The following ASAP2 variants were observed in gnomAD, a reference collection of about 807,000 sequenced individuals.
ASAP2 encodes the protein ArfGAP with SH3 domain, ankyrin repeat and PH domain 2.
Under a neutral mutation model 131.4 loss-of-function variants are expected in ASAP2, and 45 were observed. The observed-to-expected ratio is 0.34, with a 90% CI of 0.27 to 0.44. The LOEUF (loss-of-function observed/expected upper bound fraction) is 0.44. ASAP2 is among the 20% of genes least tolerant of loss of function. The pLI is 1.00. For missense variants in ASAP2, 1,011 were observed against 1,297.0 expected, an observed-to-expected ratio of 0.78 and a Z score of 3.39; for synonymous variants, 510 against 503.0, an observed-to-expected ratio of 1.01 and a Z score of -0.19.
chr2:9,278,267 T>TTGG (rs1666882634), intron 1 of ASAP2, among the ~76,000 whole-genome samples: 1 of 151,994 alleles, frequency 6.6e-6, no homozygotes. Flanking sequence ...TTACCCAGCA[T>TTGG]GTTGGGAGGT....
At chr2:9,224,341 T>G (rs892443169) in intron 1 of ASAP2, among the ~76,000 whole-genome samples, 44 of 152,258 alleles carry the variant, frequency 2.9e-4, no homozygotes, top group African/African-American at 1.0e-3. Flanking sequence ...CCAGACTGAG[T>G]GTGCCTAGGG....
intron 1 of ASAP2, among the ~76,000 whole-genome samples, chr2:9,229,438 C>A (rs1191864627): frequency 6.6e-6 from 1 of 152,166 alleles, no homozygotes; most frequent in Non-Finnish European, 1.5e-5. Flanking sequence ...GTGCATCCAG[C>A]CTCTCACTGA....
intron 24 of ASAP2, among the ~76,000 whole-genome samples, chr2:9,397,614 C>T (rs1374360321): frequency 6.6e-6 from 1 of 150,908 alleles, no homozygotes; most frequent in South Asian, 2.1e-4. Flanking sequence ...TAGGAGTCAG[C>T]AAACTATGGC....
rs986373704 is a variant in ASAP2 at position 9,389,411 on chromosome 2, C to T, written c.2383+865C>T. ...CTGTGAGCCGCTGATGGAGTGGAGC[C>T]CACGTCCCCAAATACATCCCAAACT... On this transcript the variant is annotated intron_variant, in intron 22 of 27. Coordinates refer to ENST00000281419, the MANE Select transcript of ASAP2 (RefSeq NM_003887.3). This position sits in a 1 kb window ranked among gnomAD's most constrained non-coding sequence, Gnocchi z 4.7. Among the ~76,000 whole-genome samples the T allele has an allele frequency of 6.6e-6, 1 of 152,320 alleles. No homozygotes were observed. Among genetic ancestry groups the T allele is most frequent in the East Asian group, 1.9e-4 (1 of 5,186 alleles).
At chr2:9,255,336 C>T (rs1665083537) in intron 1 of ASAP2, among the ~76,000 whole-genome samples, 1 of 152,144 alleles carries the variant, frequency 6.6e-6, no homozygotes, top group Non-Finnish European at 1.5e-5. Context: ...ATTTAAGTAA[C>T]AATAATCTGA....
At chr2:9,370,025 A>G (rs1034067933) in intron 16 of ASAP2, among the ~76,000 whole-genome samples, 4 of 152,130 alleles carry the variant, frequency 2.6e-5, no homozygotes, top group Admixed American at 1.3e-4. Context: ...TCTTTAGTAG[A>G]GATGGGGTTT....
rs763281925 is a variant in ASAP2, at chr2:9,393,558, G to C, written c.2595G>C (p.Lys865Asn). 1.1e-5 allele frequency: 17 copies of C among 1,593,672 alleles called. No homozygotes were observed. Among genetic ancestry groups the C allele is most frequent in the Non-Finnish European group, 9.4e-6 (11 of 1,171,452 alleles). ...TGGAAGCCTTGAGCCAGCCGAGCAA[G>C]CCTGCCCCGCCTGGGATCTCACAGA... The part of the protein sequence containing the change: ...SVMEALSQPS[K>N]PAPPGISQIR... The change falls in exon 24 of 28, where the codon AAG becomes AAC. Residue 865 changes from lysine (K) to asparagine (N), a missense_variant. Physicochemically the swap from Lys to Asn is moderately conservative, Grantham distance 94. Around this residue, in one of 2 missense-constraint regions of ASAP2, gnomAD observed 652 missense variants for 698.9 expected, o/e 0.93. Transcript: ENST00000281419.
At chr2:9,336,796 G>A (rs1192665692) in intron 9 of ASAP2, among the ~76,000 whole-genome samples, 1 of 152,244 alleles carries the variant, frequency 6.6e-6, no homozygotes, top group Non-Finnish European at 1.5e-5. Context: ...AGGAGGTAGT[G>A]CGAGGGCAGG....
chr2:9,333,964 A>G (rs960191937), intron 7 of ASAP2, among the ~76,000 whole-genome samples: 4 of 149,812 alleles, frequency 2.7e-5, no homozygotes, highest in Admixed American at 2.0e-4. Flanking sequence ...CCCCGCAGAC[A>G]CAGTGTGGCC....
chr2:9,250,109 T>G, intron 1 of ASAP2, among the ~76,000 whole-genome samples: 1 of 152,226 alleles, frequency 6.6e-6, no homozygotes, highest in East Asian at 1.9e-4. Context: ...TCAATTGCTT[T>G]GTAGGGTTTC....
At chr2:9,397,746 A>G (rs1240552931) in intron 24 of ASAP2, among the ~76,000 whole-genome samples, 3 of 78,816 alleles carry the variant, frequency 3.8e-5, no homozygotes, top group East Asian at 5.6e-4. Flanking sequence ...ATATATATAT[A>G]TATATTTTTT....
At position 9,268,726 on chromosome 2, in the gene ASAP2, C is replaced by T. The variant is rs781340001; in HGVS notation, c.127-10591C>T. Among the ~76,000 whole-genome samples, 1 of 152,320 alleles carries T rather than the reference C, an allele frequency of 6.6e-6. No individual in the cohort carries two copies. The highest frequency in any genetic ancestry group is 1.5e-5 in the Non-Finnish European group (1 of 68,026). On this transcript the variant is annotated intron_variant, in intron 1 of 27. Transcript: ENST00000281419. This position sits in a 1 kb window ranked among gnomAD's most constrained non-coding sequence, Gnocchi z 4.1. ...TTTTGTTTTTTGTTTTGTCTACTGT[C>T]TTTCAGAAATGTCCCTTCTTCTCAG...
At chr2:9,215,565 T>C (rs1046981461) in intron 1 of ASAP2, among the ~76,000 whole-genome samples, 4 of 152,014 alleles carry the variant, frequency 2.6e-5, no homozygotes, top group Non-Finnish European at 4.4e-5. Flanking sequence ...AGTTAGACCC[T>C]AATGAAAATA....
intron 18 of ASAP2, 52 bp from the exon 19 acceptor site, chr2:9,378,892 T>C: frequency 7.7e-7 from 1 of 1,294,596 alleles, no homozygotes; most frequent in Admixed American, 3.1e-5. Context: ...CAGTCCCTGG[T>C]CGTCCAGCCT....
At chr2:9,225,327 T>G (rs1662681772) in intron 1 of ASAP2, among the ~76,000 whole-genome samples, 1 of 152,124 alleles carries the variant, frequency 6.6e-6, no homozygotes, top group South Asian at 2.1e-4. Context: ...AATACTGAGT[T>G]GTGAGGAACC....
intron 3 of ASAP2, among the ~76,000 whole-genome samples, chr2:9,317,543 CTCTCACA>C (rs1443013103): frequency 2.0e-4 from 27 of 137,644 alleles, no homozygotes; most frequent in Non-Finnish European, 3.7e-4. Context: ...TCCACACAAT[CTCTCACA>C]TCCACAATCA....
At chr2:9,214,444 T>C (rs1392121054) in intron 1 of ASAP2, among the ~76,000 whole-genome samples, 1 of 152,172 alleles carries the variant, frequency 6.6e-6, no homozygotes, top group African/African-American at 2.4e-5. Flanking sequence ...TTCACCATGT[T>C]GGCCAGGCTG....
intron 1 of ASAP2, among the ~76,000 whole-genome samples, chr2:9,230,574 A>ATCT (rs1663087881): frequency 6.6e-6 from 1 of 152,128 alleles, no homozygotes; most frequent in Non-Finnish European, 1.5e-5. Flanking sequence ...GGAGGGAAGG[A>ATCT]GCAGTATCTG....
At position 9,380,727 on chromosome 2, in the gene ASAP2, C is replaced by T. The variant is rs1031405920; in HGVS notation, c.1949-14C>T. On this transcript the variant is annotated splice_polypyrimidine_tract_variant and intron_variant, in intron 19 of 27. Transcript: ENST00000281419. ...TTTGCCTTAACGCCTCCTTTGCTCGCCCTTGAATTTTAGCAAACGAGTCAG... is the reference window on the plus strand; with the variant it reads ...TTTGCCTTAACGCCTCCTTTGCTCGTCCTTGAATTTTAGCAAACGAGTCAG... The T allele has an allele frequency of 6.2e-7, 1 of 1,614,090 alleles. No individual in the cohort carries two copies. The highest frequency in any genetic ancestry group is 1.7e-5 in the Admixed American group (1 of 60,012).
Sources: gnomAD v4.1 joint callset for allele counts (sites outside exome capture counted in the v4.1 genomes callset) on GRCh38, gnomAD v4.1.1 for gene constraint, gnomAD v4.1.1 regional missense constraint, Gnocchi (gnomAD v3.1) non-coding constraint, MANE v1.5 for transcripts, NCBI Gene and HGNC (gene_info 2026-07-23, HGNC 2026-07-21) for gene names.